NAV2: variants seen among roughly 807,000 people sequenced by gnomAD.
NAV2 encodes the protein neuron navigator 2.
A neutral mutation model predicts 223.2 loss-of-function variants in NAV2; 54 were observed. That is an observed-to-expected ratio of 0.24 (90% CI 0.19 to 0.30). The LOEUF is 0.30. Ranked by LOEUF, NAV2 falls within the 10% of genes least tolerant of loss-of-function variation. The pLI, the probability that NAV2 is intolerant of heterozygous loss-of-function variation, is 1.00. For synonymous variants in NAV2, 1,279 were observed against 1,239.3 expected, an observed-to-expected ratio of 1.03 and a Z score of -0.67; for missense variants, 2,806 against 3,147.5, an observed-to-expected ratio of 0.89 and a Z score of 2.60.
chr11:20,062,241 C>T, intron 19 of NAV2, 66 bp from the exon 20 acceptor site: 1 of 1,183,464 alleles, frequency 8.4e-7, no homozygotes, highest in Non-Finnish European at 1.2e-6. Context: ...ATGTTCTCCT[C>T]CCCTGTCCCC....
At chr11:19,836,203 T>C (rs940195299) in intron 2 of NAV2, among the ~76,000 whole-genome samples, 1 of 152,216 alleles carries the variant, frequency 6.6e-6, no homozygotes, top group African/African-American at 2.4e-5. Flanking sequence ...ATGTCACACC[T>C]TTCTACTTTC....
At chr11:20,090,430 C>A (rs2060759022) in intron 26 of NAV2, among the ~76,000 whole-genome samples, 1 of 150,820 alleles carries the variant, frequency 6.6e-6, no homozygotes, top group South Asian at 2.1e-4. Flanking sequence ...CAGAGCTCAG[C>A]AAAGAAAGAA....
At chr11:19,709,703 C>T (rs534556772), upstream of NAV2, among the ~76,000 whole-genome samples, 2 of 152,066 alleles carry the variant, frequency 1.3e-5, no homozygotes, top group South Asian at 4.1e-4. Flanking sequence ...GGTGTGGTGG[C>T]ATGCGCCTGT....
At chr11:19,858,005 C>T (rs551086861) in intron 3 of NAV2, among the ~76,000 whole-genome samples, 3 of 152,258 alleles carry the variant, frequency 2.0e-5, no homozygotes, top group Non-Finnish European at 2.9e-5. Flanking sequence ...TACAGGCACC[C>T]GCCACCATGC....
intron 1 of NAV2, among the ~76,000 whole-genome samples, chr11:19,668,570 C>G (rs2048493185): frequency 6.7e-6 from 1 of 149,198 alleles, no homozygotes; most frequent in East Asian, 2.0e-4. Flanking sequence ...GCCCTACGTT[C>G]CATAGTCCAG....
At chr11:19,875,883 A>C (rs1469951934) in intron 4 of NAV2, among the ~76,000 whole-genome samples, 1 of 152,162 alleles carries the variant, frequency 6.6e-6, no homozygotes, top group African/African-American at 2.4e-5. Flanking sequence ...AGAATGGACC[A>C]CTTCTTAGGC....
intron 1 of NAV2, among the ~76,000 whole-genome samples, chr11:19,827,791 C>T (rs546716573): frequency 2.6e-5 from 4 of 152,290 alleles, no homozygotes; most frequent in African/African-American, 7.2e-5. Flanking sequence ...GACAGCCAAT[C>T]ACAAACTGAA....
chr11:20,104,386 G>A (rs1193306588), intron 34 of NAV2: 1 of 152,664 alleles, frequency 6.6e-6, no homozygotes, highest in African/African-American at 2.4e-5. Context: ...AGGTGGATGT[G>A]AAGGTGTCTC....
At chr11:19,580,203 C>G (rs1055171453) in intron 1 of NAV2, among the ~76,000 whole-genome samples, 3 of 152,142 alleles carry the variant, frequency 2.0e-5, no homozygotes, top group African/African-American at 7.2e-5. Context: ...CGGAGAGCCA[C>G]AGCCAGTTGT....
intron 1 of NAV2, among the ~76,000 whole-genome samples, chr11:19,466,437 T>C (rs948247297): frequency 6.6e-6 from 1 of 152,206 alleles, no homozygotes; most frequent in Non-Finnish European, 1.5e-5. Flanking sequence ...TTTCTGAAAG[T>C]CTGTGAACAA....
chr11:19,498,781 G>T (rs2042876940), intron 1 of NAV2, among the ~76,000 whole-genome samples: 2 of 152,186 alleles, frequency 1.3e-5, no homozygotes, highest in South Asian at 4.1e-4. Context: ...TTAGGTCCTT[G>T]CTCTGAAGTA....
chr11:19,947,800 T>G (rs1565620697), intron 9 of NAV2, among the ~76,000 whole-genome samples: 1 of 152,200 alleles, frequency 6.6e-6, no homozygotes. Context: ...TTTACCAATC[T>G]TTCCAGGCTT....
chr11:19,703,976 T>C (rs2049585368), intron 1 of NAV2, among the ~76,000 whole-genome samples: 1 of 151,656 alleles, frequency 6.6e-6, no homozygotes, highest in Non-Finnish European at 1.5e-5. Flanking sequence ...ATTGCTTTTT[T>C]CAAATGCAGA....
rs374927539 is a variant in NAV2, at chr11:19,793,114, CAGG to C, written c.268-39367_268-39365del. Among the ~76,000 whole-genome samples the C allele has an allele frequency of 4.8e-3, 703 of 147,328 alleles. 9 individuals carry two copies. The highest frequency in any genetic ancestry group is 0.017 in the African/African-American group (666 of 39,702). ...ATCCCAGCTACTCAGGAGGCTGAGG[CAGG>C]AGAATTGCTGGAACCCAGGTACAGA... On this transcript the variant is annotated intron_variant, in intron 1 of 37. Coordinates refer to ENST00000349880, the MANE Select transcript of NAV2 (RefSeq NM_145117.5).
At chr11:19,350,465 C>A (rs552431211), upstream of NAV2, among the ~76,000 whole-genome samples, 1 of 152,222 alleles carries the variant, frequency 6.6e-6, no homozygotes, top group Non-Finnish European at 1.5e-5. Context: ...GGCGGCTTTC[C>A]GCGCAGTGTT....
At chr11:19,350,722 G>A, upstream of NAV2, 1 of 552,750 alleles carries the variant, frequency 1.8e-6, no homozygotes, top group Middle Eastern at 4.6e-4. Flanking sequence ...CCAAGACTTA[G>A]CTCTCATGAT....
At chr11:19,683,489 C>T (rs1410989656) in intron 1 of NAV2, among the ~76,000 whole-genome samples, 1 of 152,208 alleles carries the variant, frequency 6.6e-6, no homozygotes, top group Non-Finnish European at 1.5e-5. Context: ...AGCCAAATCC[C>T]CTATGCTGGC....
chr11:19,919,213 T>G (rs928567243), intron 6 of NAV2, among the ~76,000 whole-genome samples: 4 of 151,710 alleles, frequency 2.6e-5, no homozygotes, highest in African/African-American at 9.7e-5. Context: ...AAACAAAATT[T>G]AATAAGCTTG....
chr11:20,108,099 A>G (rs2062299106), intron 36 of NAV2, among the ~76,000 whole-genome samples: 2 of 152,204 alleles, frequency 1.3e-5, no homozygotes, highest in South Asian at 4.1e-4. Context: ...GAGAAGTAGA[A>G]CCATACACAT....
Sources: gnomAD v4.1 joint callset for allele counts (sites outside exome capture counted in the v4.1 genomes callset) on GRCh38, gnomAD v4.1.1 for gene constraint, MANE v1.5 for transcripts, NCBI Gene and HGNC (gene_info 2026-07-23, HGNC 2026-07-21) for gene names.